The following EIPR1 variants were observed in gnomAD, a reference collection of about 807,000 sequenced individuals.
The protein encoded by EIPR1 is EARP complex and GARP complex interacting protein 1, also known as EARP and GARP complex-interacting protein 1.
EIPR1 carries 25 observed loss-of-function variants against 48.1 expected under a neutral mutation model. That is an observed-to-expected ratio of 0.52 (90% CI 0.38 to 0.73). EIPR1 has a LOEUF of 0.73. Ranked by LOEUF, EIPR1 falls within the 30% of genes least tolerant of loss-of-function variation. EIPR1 has a pLI of 0.00. For missense variants in EIPR1, 415 were observed against 506.2 expected (o/e 0.82, Z 1.73); for synonymous variants, 204 against 201.9 (o/e 1.01, Z -0.09).
chr2:3,211,781 C>T (rs1321443561), intron 5 of EIPR1, among the ~76,000 whole-genome samples: 1 of 152,196 alleles, frequency 6.6e-6, no homozygotes, highest in Non-Finnish European at 1.5e-5. Flanking sequence ...GCTTCCTTCT[C>T]GCTCCGCCAC....
At chr2:3,305,023 C>CCG (rs1668887272) in intron 3 of EIPR1, among the ~76,000 whole-genome samples, 2 of 119,350 alleles carry the variant, frequency 1.7e-5, no homozygotes, top group Admixed American at 7.9e-5. Context: ...CCCTCCACTC[C>CCG]TGTCCAGTTC....
intron 3 of EIPR1, among the ~76,000 whole-genome samples, chr2:3,276,264 G>A (rs989056531): frequency 6.6e-6 from 1 of 152,172 alleles, no homozygotes. Context: ...ATTCTTTGAC[G>A]ATTTATTGGT....
At chr2:3,263,963 G>A (rs1202245849) in intron 3 of EIPR1, among the ~76,000 whole-genome samples, 2 of 152,132 alleles carry the variant, frequency 1.3e-5, no homozygotes, top group African/African-American at 4.8e-5. Context: ...ATCATTTTTT[G>A]TTGTGAAGAC....
chr2:3,308,062 G>C (rs376564742), intron 3 of EIPR1, among the ~76,000 whole-genome samples: 1 of 152,292 alleles, frequency 6.6e-6, no homozygotes, highest in Admixed American at 6.5e-5. Flanking sequence ...ACATTCCAGC[G>C]CTGGCCGACG....
At chr2:3,356,499 A>G (rs1411045061) in intron 1 of EIPR1, among the ~76,000 whole-genome samples, 1 of 152,244 alleles carries the variant, frequency 6.6e-6, no homozygotes, top group East Asian at 1.9e-4. Flanking sequence ...GCAGGCTTAT[A>G]AATTCAAATC....
At chr2:3,369,440 C>T (rs1003745530) in intron 1 of EIPR1, among the ~76,000 whole-genome samples, 1 of 152,200 alleles carries the variant, frequency 6.6e-6, no homozygotes, top group African/African-American at 2.4e-5. Flanking sequence ...GGCATTGCCT[C>T]ACTCGGGAAG....
At chr2:3,257,785 G>A (rs1380843563) in intron 3 of EIPR1, among the ~76,000 whole-genome samples, 1 of 152,186 alleles carries the variant, frequency 6.6e-6, no homozygotes, top group Non-Finnish European at 1.5e-5. Context: ...CAAAATGGGG[G>A]ACTAAAGATA....
chr2:3,245,196 TTGC>T (rs1666759107), intron 4 of EIPR1, among the ~76,000 whole-genome samples: 2 of 152,168 alleles, frequency 1.3e-5, no homozygotes, highest in South Asian at 2.1e-4. Context: ...TACCGTTGCG[TTGC>T]GTTGCGTTGC....
At chr2:3,254,264 G>A (rs531637271) in intron 4 of EIPR1, among the ~76,000 whole-genome samples, 1 of 152,350 alleles carries the variant, frequency 6.6e-6, no homozygotes, top group African/African-American at 2.4e-5. Flanking sequence ...GGAGGACGCA[G>A]AGAGGAGGAG....
In EIPR1 at chr2:3,312,065, G is replaced by A. The variant is rs1669147381; in HGVS notation, c.259+25952C>T. Reference sequence around the variant, plus strand: ...TAGCTTTCATTGACCCAAGATAACTGTGTGTTGGAGCCACAACACACAGTT... The same window carrying A: ...TAGCTTTCATTGACCCAAGATAACTATGTGTTGGAGCCACAACACACAGTT... On this transcript the variant is annotated intron_variant, in intron 3 of 8. Coordinates refer to ENST00000382125, the MANE Select transcript of EIPR1 (RefSeq NM_003310.5). This position sits in a 1 kb window ranked among gnomAD's most constrained non-coding sequence, Gnocchi z 5.5. Among the ~76,000 whole-genome samples the A allele has an allele frequency of 6.6e-6, 1 of 152,118 alleles. No individual in the cohort carries two copies. Among genetic ancestry groups the A allele is most frequent in the East Asian group, 1.9e-4 (1 of 5,184 alleles).
chr2:3,274,287 G>A, intron 3 of EIPR1: 2 of 1,547,542 alleles, frequency 1.3e-6, no homozygotes, highest in Non-Finnish European at 1.7e-6. Flanking sequence ...ATCCACTCCT[G>A]GACACACTGT....
Position 3,338,504 on chromosome 2 carries a change from C to T in EIPR1, c.127-355G>A, listed in dbSNP as rs531935010. ...CAGAGCTGCCCAGGGCTGTCCATAT[C>T]AGCAAGGTCCTCCCAGCCTGCTGCA... On this transcript the variant is annotated intron_variant, in intron 2 of 8. Coordinates refer to ENST00000382125, the MANE Select transcript of EIPR1 (RefSeq NM_003310.5). 8.5e-5 allele frequency among the ~76,000 whole-genome samples: 13 copies of T among 152,236 alleles called. 1 individual carries two copies. The highest frequency in any genetic ancestry group is 6.5e-5 in the Admixed American group (1 of 15,288).
chr2:3,340,169 C>T (rs1397386248), intron 2 of EIPR1, among the ~76,000 whole-genome samples: 4 of 152,218 alleles, frequency 2.6e-5, no homozygotes, highest in African/African-American at 9.7e-5. Context: ...TTCTTAATAG[C>T]AATATGAGAA....
intron 3 of EIPR1, among the ~76,000 whole-genome samples, chr2:3,335,583 A>G (rs780272577): frequency 5.9e-5 from 9 of 152,142 alleles, no homozygotes; most frequent in Non-Finnish European, 1.0e-4. Flanking sequence ...TGCTGAGATG[A>G]AAAGCCTAAC....
chr2:3,275,203 G>A (rs1473492722), intron 3 of EIPR1, among the ~76,000 whole-genome samples: 1 of 149,954 alleles, frequency 6.7e-6, no homozygotes, highest in East Asian at 1.9e-4. Context: ...GGAAGGCAAA[G>A]AACAGAAAAC....
At chr2:3,245,163 ATTTATTTTAC>A (rs1666757130) in intron 4 of EIPR1, among the ~76,000 whole-genome samples, 1 of 150,216 alleles carries the variant, frequency 6.7e-6, no homozygotes, top group Admixed American at 6.7e-5. Context: ...ATTTTATTTT[ATTTATTTTAC>A]TTTATTTTAC....
intron 4 of EIPR1, among the ~76,000 whole-genome samples, chr2:3,240,157 T>TCCTTCCTAAAGCAAAGCCAGCAGAA (rs1666554831): frequency 1.6e-4 from 4 of 25,212 alleles, no homozygotes; most frequent in African/African-American, 3.4e-4. Flanking sequence ...AGCCAGCAGA[T>TCCTTCCTAAAGCAAAGCCAGCAGAA]CCTTCCTAAA....
chr2:3,337,460 T>C (rs531697489), intron 3 of EIPR1, among the ~76,000 whole-genome samples: 4 of 152,312 alleles, frequency 2.6e-5, no homozygotes, highest in African/African-American at 4.8e-5. Flanking sequence ...AAAGTACTCA[T>C]TGACGATGAC....
chr2:3,299,376 G>C (rs1235063463), intron 3 of EIPR1, among the ~76,000 whole-genome samples: 1 of 151,966 alleles, frequency 6.6e-6, no homozygotes. Context: ...CATTGTCCCA[G>C]CGACTCTGCT....
Sources: gnomAD v4.1 joint callset for allele counts (sites outside exome capture counted in the v4.1 genomes callset) on GRCh38, gnomAD v4.1.1 for gene constraint, Gnocchi (gnomAD v3.1) non-coding constraint, MANE v1.5 for transcripts, NCBI Gene and HGNC (gene_info 2026-07-23, HGNC 2026-07-21) for gene names.